The following MACROD1 variants were observed in gnomAD, a reference collection of about 807,000 sequenced individuals.
MACROD1 encodes ADP-ribose glycohydrolase MACROD1.
In MACROD1, 31 loss-of-function variants were observed where a neutral mutation model predicts 41.4. The ratio of observed to expected loss-of-function variants is 0.75; its 90% CI spans 0.56 to 1.01. The LOEUF (loss-of-function observed/expected upper bound fraction) is 1.01, where lower values mean the gene tolerates loss of function less well. Ranked by LOEUF, MACROD1 falls within the 50% of genes least tolerant of loss-of-function variation. The pLI is 0.00. For synonymous variants in MACROD1, 252 were observed against 203.4 expected (o/e 1.24, Z -2.03); for missense variants, 473 against 460.0 (o/e 1.03, Z -0.26).
intron 3 of MACROD1, chr11:64,117,555 A>C: frequency 6.2e-7 from 1 of 1,605,996 alleles, no homozygotes; most frequent in Non-Finnish European, 8.5e-7. Context: ...TGACTACCCC[A>C]TGGCCACGGG....
intron 3 of MACROD1, among the ~76,000 whole-genome samples, chr11:64,047,780 C>A (rs903412693): frequency 2.7e-4 from 41 of 151,958 alleles, no homozygotes; most frequent in Admixed American, 4.6e-4. Flanking sequence ...GCCTGTAATC[C>A]CAGCAACTCG....
In MACROD1 at chr11:64,118,196, C is replaced by T. The variant is rs1411675265; in HGVS notation, c.517+33043G>A. 5 of 1,613,168 alleles carry T rather than the reference C, an allele frequency of 3.1e-6. No homozygotes were observed. The African/African-American group carries it at 5.3e-5, about 17-fold the overall frequency. ...TCCACACTATCTTCCCCTCCAACGGCAGCAGCCTCTGCAAGGCCACACACA... is the reference window on the plus strand; with the variant it reads ...TCCACACTATCTTCCCCTCCAACGGTAGCAGCCTCTGCAAGGCCACACACA... On this transcript the variant is annotated intron_variant, in intron 3 of 10. Transcript: ENST00000255681.
In MACROD1 at chr11:64,123,308, G is replaced by A. The variant is rs373881617; in HGVS notation, c.517+27931C>T. On this transcript the variant is annotated intron_variant, in intron 3 of 10. Coordinates refer to ENST00000255681, the MANE Select transcript of MACROD1 (RefSeq NM_014067.4). ...AAGCACTCACAGGCGATTCGCAGCC[G>A]TGCATTGGCCTTCCGAGTGCAGAGA... 9.2e-5 allele frequency among the ~76,000 whole-genome samples: 14 copies of A among 152,276 alleles called. No individual in the cohort carries two copies. In the East Asian group the frequency reaches 1.7e-3, roughly 19 times the overall value.
At chr11:64,063,682 G>T (rs1276464712) in intron 3 of MACROD1, among the ~76,000 whole-genome samples, 2 of 152,136 alleles carry the variant, frequency 1.3e-5, no homozygotes, top group Non-Finnish European at 2.9e-5. Context: ...CAGAAGCCTG[G>T]GGGTGTCAAG....
chr11:64,020,729 C>CT lies in MACROD1; in HGVS notation c.518-5449dup, dbSNP rs200944222. On this transcript the variant is annotated intron_variant, in intron 3 of 10. Coordinates refer to ENST00000255681, the MANE Select transcript of MACROD1 (RefSeq NM_014067.4). ...CCAGAATCCCCTCCCAGGTGCCTAT[C>CT]TTTTTTTTGGAAATGAAGTCTCACT... is the stretch of plus-strand genomic sequence containing the variant. 2.2e-3 allele frequency among the ~76,000 whole-genome samples: 339 copies of CT among 151,904 alleles called. 2 individuals carry two copies. The highest frequency in any genetic ancestry group is 7.9e-3 in the African/African-American group (328 of 41,426).
chr11:64,031,476 C>CTTTTTTTT (rs386373983), intron 3 of MACROD1, among the ~76,000 whole-genome samples: 33 of 114,930 alleles, frequency 2.9e-4, no homozygotes, highest in African/African-American at 7.0e-4. Flanking sequence ...GCCTGCCTTC[C>CTTTTTTTT]TTTTTTTTTT....
chr11:64,126,206 G>A (rs1590946317), intron 3 of MACROD1, among the ~76,000 whole-genome samples: 1 of 152,162 alleles, frequency 6.6e-6, no homozygotes, highest in Non-Finnish European at 1.5e-5. Flanking sequence ...AGCCCACCTG[G>A]GTACCCAAAG....
intron 2 of MACROD1, among the ~76,000 whole-genome samples, chr11:64,151,775 A>C (rs1277678051): frequency 1.3e-5 from 2 of 152,114 alleles, no homozygotes; most frequent in Non-Finnish European, 2.9e-5. Context: ...GGCTCACCTA[A>C]CCTAGGGCTC....
At position 64,066,561 on chromosome 11, in the gene MACROD1, G is replaced by A. The variant is rs186420932; in HGVS notation, c.518-51280C>T. ...TTGAGCCTGGGAGGTCAAGGCTACA[G>A]TGCAGTATGATCCTACCTGTGAATA... is the stretch of plus-strand genomic sequence containing the variant. On this transcript the variant is annotated intron_variant, in intron 3 of 10. Transcript: ENST00000255681. Among the ~76,000 whole-genome samples the A allele has an allele frequency of 5.9e-5, 9 of 151,344 alleles. No individual in the cohort carries two copies. In the East Asian group the frequency reaches 1.6e-3, roughly 26 times the overall value.
rs1345123909 is a variant in MACROD1 at position 64,049,465 on chromosome 11, C to T, written c.518-34184G>A. Among the ~76,000 whole-genome samples, 4 of 152,196 alleles carry T rather than the reference C, an allele frequency of 2.6e-5. No individual in the cohort carries two copies. The East Asian group carries it at 7.7e-4, about 29-fold the overall frequency. On this transcript the variant is annotated intron_variant, in intron 3 of 10. Transcript: ENST00000255681. The stretch of plus-strand genomic sequence containing the variant: ...TTACCCGCATGACTCGCTTCATCCT[C>T]ACAACCTTATGGGGGAGGTATGAGG...
At chr11:64,008,162 CAGAG>C (rs1298959819) in intron 4 of MACROD1, among the ~76,000 whole-genome samples, 6 of 152,036 alleles carry the variant, frequency 3.9e-5, no homozygotes, top group Non-Finnish European at 8.8e-5. Flanking sequence ...CAGCCAGAGC[CAGAG>C]AGAAAGAACG....
intron 3 of MACROD1, among the ~76,000 whole-genome samples, chr11:64,020,635 C>T (rs1943140550): frequency 6.6e-6 from 1 of 152,124 alleles, no homozygotes; most frequent in African/African-American, 2.4e-5. Flanking sequence ...TCATCATCTG[C>T]CACCTCCTCA....
intron 4 of MACROD1, chr11:64,001,606 G>C (rs1241475778): frequency 1.4e-6 from 1 of 701,426 alleles, no homozygotes; most frequent in Non-Finnish European, 2.6e-6. Context: ...CTCAGAGCTG[G>C]CACCAGGCAA....
rs560097585 is a variant in MACROD1 at position 64,057,075 on chromosome 11, G to A, written c.518-41794C>T. 3.2e-4 allele frequency among the ~76,000 whole-genome samples: 48 copies of A among 152,314 alleles called. 1 individual carries two copies. The highest frequency in any genetic ancestry group is 8.7e-4 in the African/African-American group (36 of 41,572). ...CAGGCCTCCCTGCAGGCCAGCCTGC[G>A]TCGCACCAGCTCTCACGAAACAGGG... is the stretch of plus-strand genomic sequence containing the variant. On this transcript the variant is annotated intron_variant, in intron 3 of 10. Transcript: ENST00000255681.
intron 3 of MACROD1, among the ~76,000 whole-genome samples, chr11:64,066,071 C>T (rs985419329): frequency 1.7e-4 from 26 of 151,560 alleles, no homozygotes; most frequent in African/African-American, 6.1e-4. Context: ...CTGAGGTGGG[C>T]GGATCACCTG....
At chr11:64,025,001 G>C (rs1316472611) in intron 3 of MACROD1, among the ~76,000 whole-genome samples, 1 of 152,098 alleles carries the variant, frequency 6.6e-6, no homozygotes, top group African/African-American at 2.4e-5. Context: ...TTTTGAGACA[G>C]AGTCTCACTC....
chr11:64,077,621 A>G (rs1944226579), intron 3 of MACROD1, among the ~76,000 whole-genome samples: 2 of 152,000 alleles, frequency 1.3e-5, no homozygotes, highest in South Asian at 4.2e-4. Flanking sequence ...GGCACACACG[A>G]ACAGAACTCA....
chr11:64,115,713 C>T (rs957214465), intron 3 of MACROD1, among the ~76,000 whole-genome samples: 2 of 152,216 alleles, frequency 1.3e-5, no homozygotes, highest in Admixed American at 6.5e-5. Flanking sequence ...GCTTTCCTTT[C>T]GAATCCTGGG....
intron 1 of MACROD1, among the ~76,000 whole-genome samples, chr11:64,154,278 G>A (rs1367443538): frequency 6.6e-6 from 1 of 152,094 alleles, no homozygotes; most frequent in Non-Finnish European, 1.5e-5. Flanking sequence ...CCCCCAAAAC[G>A]TCATTTTTTT....
Sources: allele counts gnomAD v4.1 joint callset (sites outside exome capture counted in the v4.1 genomes callset), GRCh38; gene constraint gnomAD v4.1.1; transcripts MANE v1.5; gene names NCBI Gene and HGNC (gene_info 2026-07-23, HGNC 2026-07-21).